The following DPH6 variants were observed in gnomAD, a reference collection of about 807,000 sequenced individuals.
The protein encoded by DPH6 is diphthamine biosynthesis 6.
Under a neutral mutation model 38.2 loss-of-function variants are expected in DPH6, and 33 were observed. The observed-to-expected ratio is 0.86, with a 90% CI of 0.65 to 1.15. DPH6 has a LOEUF of 1.15. Among genes scored for constraint, DPH6 ranks in the 50% most tolerant of loss-of-function variants. DPH6 has a pLI of 0.00. For missense variants in DPH6, 325 were observed against 320.0 expected (o/e 1.02, Z -0.12); for synonymous variants, 108 against 103.0 (o/e 1.05, Z -0.30).
the DPH6 span, among the ~76,000 whole-genome samples, chr15:35,207,830 A>AC: frequency 2.0e-5 from 3 of 152,220 alleles, no homozygotes; most frequent in African/African-American, 7.2e-5. Context: ...GTAGTGCCTA[A>AC]CTTGACATTA....
downstream of DPH6, among the ~76,000 whole-genome samples, chr15:35,368,651 T>C (rs566634697): frequency 2.0e-5 from 3 of 152,040 alleles, no homozygotes; most frequent in African/African-American, 7.2e-5. Flanking sequence ...AGATAATCAA[T>C]TGAATTTTCA....
At chr15:35,355,364 C>T (rs2052550841) in intron 3 of DPH6, among the ~76,000 whole-genome samples, 1 of 152,164 alleles carries the variant, frequency 6.6e-6, no homozygotes, top group South Asian at 2.1e-4. Context: ...TTATTTGATG[C>T]AGTTTCTTGC....
At chr15:35,231,506 G>A (rs1421138036) in intron 3 of DPH6, among the ~76,000 whole-genome samples, 1 of 152,196 alleles carries the variant, frequency 6.6e-6, no homozygotes, top group Non-Finnish European at 1.5e-5. Context: ...TCATACAAAG[G>A]TGCTTTTTTT....
At chr15:35,224,104 T>G (rs925986271) in intron 3 of DPH6, among the ~76,000 whole-genome samples, 7 of 128,762 alleles carry the variant, frequency 5.4e-5, no homozygotes, top group Non-Finnish European at 1.1e-4. Flanking sequence ...ATTTTAGTTT[T>G]TTTTTTTTTT....
At chr15:35,252,030 C>T (rs2051678576) in intron 3 of DPH6, among the ~76,000 whole-genome samples, 1 of 152,176 alleles carries the variant, frequency 6.6e-6, no homozygotes, top group Admixed American at 6.5e-5. Flanking sequence ...ATCCCAGCTA[C>T]TGGAGAGGCT....
At chr15:35,269,520 T>C (rs1301134363) in intron 3 of DPH6, among the ~76,000 whole-genome samples, 1 of 151,964 alleles carries the variant, frequency 6.6e-6, no homozygotes, top group African/African-American at 2.4e-5. Context: ...GGCTGGAAGC[T>C]CTGCCTCCCG....
chr15:35,172,736 A>G, the DPH6 span, among the ~76,000 whole-genome samples: 1 of 152,200 alleles, frequency 6.6e-6, no homozygotes, highest in African/African-American at 2.4e-5. Context: ...GCTGGAGCAC[A>G]GTGGCTATTC....
chr15:35,540,188 C>G (rs1415131044), intron 2 of DPH6, among the ~76,000 whole-genome samples: 2 of 152,042 alleles, frequency 1.3e-5, no homozygotes, highest in Non-Finnish European at 2.9e-5. Context: ...CACATTGTAA[C>G]TTTGATTAAT....
intron 5 of DPH6, among the ~76,000 whole-genome samples, chr15:35,430,083 A>T (rs767566050): frequency 2.0e-5 from 3 of 152,162 alleles, no homozygotes; most frequent in Non-Finnish European, 1.5e-5. Context: ...AATCATCAAA[A>T]ATGATATTGA....
chr15:35,288,585 GC>G (rs2051959110), intron 3 of DPH6, among the ~76,000 whole-genome samples: 1 of 151,978 alleles, frequency 6.6e-6, no homozygotes, highest in Non-Finnish European at 1.5e-5. Flanking sequence ...TGCAACTGAT[GC>G]ACATATCACA....
At chr15:35,529,202 ATCAGC>A (rs1408220801) in intron 3 of DPH6, among the ~76,000 whole-genome samples, 1 of 152,178 alleles carries the variant, frequency 6.6e-6, no homozygotes, top group Non-Finnish European at 1.5e-5. Flanking sequence ...AAGAGGTTTA[ATCAGC>A]TCAGGTTTGC....
At chr15:35,323,001 T>C (rs961630233) in intron 3 of DPH6, among the ~76,000 whole-genome samples, 3 of 152,130 alleles carry the variant, frequency 2.0e-5, no homozygotes, top group Admixed American at 6.6e-5. Flanking sequence ...AACAACGCCT[T>C]TGAACAGAAT....
At chr15:35,410,445 G>A (rs2053351371) in intron 6 of DPH6, among the ~76,000 whole-genome samples, 4 of 151,714 alleles carry the variant, frequency 2.6e-5, no homozygotes, top group Middle Eastern at 3.4e-3. Flanking sequence ...TTCCTAATTG[G>A]TAAAAGAGAA....
In DPH6 at chr15:35,371,734, C is replaced by T. The variant is rs1752605916; in HGVS notation, c.*416G>A. Reference sequence around the variant, plus strand: ...CACCCAGTAGAATAAGCTTGACTGGCTAAATAAAGTGACCATCTTTTCATC... The same window carrying T: ...CACCCAGTAGAATAAGCTTGACTGGTTAAATAAAGTGACCATCTTTTCATC... On this transcript the variant is annotated 3_prime_UTR_variant, in exon 9 of 9. Coordinates refer to ENST00000256538, the MANE Select transcript of DPH6 (RefSeq NM_080650.4). 1 of 987,706 alleles carries T rather than the reference C, an allele frequency of 1.0e-6. No individual in the cohort carries two copies. The highest frequency in any genetic ancestry group is 1.7e-5 in the African/African-American group (1 of 57,190). The allele number at this position is 987,706 out of a possible 1,614,324, so 61.2% of individuals were successfully genotyped here.
At position 35,543,259 on chromosome 15, in the gene DPH6, AATATATATATATATATATAT is replaced by A. The variant is rs6145522; in HGVS notation, c.24-772_24-753del. On this transcript the variant is annotated intron_variant, in intron 1 of 8. Transcript: ENST00000256538. ...ATACATATAGTACACACATACACAT[AATATATATATATATATATAT>A]ATATATATATATATATATATATATG... 6.0e-3 allele frequency among the ~76,000 whole-genome samples: 685 copies of A among 113,922 alleles called. 8 individuals are homozygous for A. The highest frequency in any genetic ancestry group is 0.012 in the African/African-American group (296 of 24,290). 74.7% of individuals were successfully genotyped at this position (113,922 alleles called of 152,430 possible).
chr15:35,193,913 T>C, the DPH6 span, among the ~76,000 whole-genome samples: 3 of 152,226 alleles, frequency 2.0e-5, no homozygotes, highest in African/African-American at 4.8e-5. Flanking sequence ...AGGAAACAAA[T>C]AGACATGGTT....
intron 3 of DPH6, among the ~76,000 whole-genome samples, chr15:35,268,368 T>C (rs2051798097): frequency 6.6e-6 from 1 of 151,838 alleles, no homozygotes; most frequent in African/African-American, 2.4e-5. Flanking sequence ...GTGGTAAGAA[T>C]AGCAATGGTA....
At chr15:35,347,474 T>C (rs1484191192) in intron 3 of DPH6, among the ~76,000 whole-genome samples, 1 of 150,862 alleles carries the variant, frequency 6.6e-6, no homozygotes, top group African/African-American at 2.4e-5. Context: ...TTTTTTTTTA[T>C]GAAGACTGAA....
intron 3 of DPH6, among the ~76,000 whole-genome samples, chr15:35,496,631 T>A (rs2054563185): frequency 8.3e-6 from 1 of 120,602 alleles, no homozygotes. Flanking sequence ...GAGAACCAAA[T>A]AGAAAAATGA....
Sources: allele counts gnomAD v4.1 joint callset (sites outside exome capture counted in the v4.1 genomes callset), GRCh38; gene constraint gnomAD v4.1.1; transcripts MANE v1.5; gene names NCBI Gene and HGNC (gene_info 2026-07-23, HGNC 2026-07-21).